RILPL2: variants seen among roughly 807,000 people sequenced by gnomAD.
RILPL2 encodes RILP-like protein 2.
In RILPL2, 19 loss-of-function variants were observed where a neutral mutation model predicts 22.2. The ratio of observed to expected loss-of-function variants is 0.86; its 90% CI spans 0.60 to 1.25. The LOEUF (loss-of-function observed/expected upper bound fraction) is 1.25. RILPL2 is among the 50% of genes most tolerant of loss of function. The pLI is 0.00. For missense variants in RILPL2, 243 were observed against 263.6 expected (o/e 0.92, Z 0.54); for synonymous variants, 123 against 111.6 (o/e 1.10, Z -0.64).
At chr12:123,419,441 G>A (rs1879213429) in intron 3 of RILPL2, among the ~76,000 whole-genome samples, 1 of 152,142 alleles carries the variant, frequency 6.6e-6, no homozygotes. Context: ...GAAGTATTCA[G>A]AGGAAAGTGC....
rs1361291696 is a variant in RILPL2, at chr12:123,432,873, C to T, written c.340-2214G>A. Among the ~76,000 whole-genome samples the T allele has an allele frequency of 2.6e-5, 4 of 152,130 alleles. No homozygotes were observed. The South Asian group carries it at 8.3e-4, about 31-fold the overall frequency. Reference sequence around the variant, plus strand: ...CATCACACTTAACCATGTCACTTGACAGACACTAAAGTAGAATATTATCTA... The same window carrying T: ...CATCACACTTAACCATGTCACTTGATAGACACTAAAGTAGAATATTATCTA... On this transcript the variant is annotated intron_variant, in intron 1 of 3. Transcript: ENST00000280571.
In RILPL2 at chr12:123,436,370, GTCC is replaced by G. The variant is rs766789056; in HGVS notation, c.48_50del (p.Glu16del). On this transcript the variant is annotated inframe_deletion, in exon 1 of 4. Transcript: ENST00000280571. This position sits in a 1 kb window ranked among gnomAD's most constrained non-coding sequence, Gnocchi z 6.7. ...CGGGCCCAACCTCGTCCCTCTCCTCGTCCTCCTCTCCCTCCTCCTCTTCCTCTT... is the reference window on the plus strand; with the variant it reads ...CGGGCCCAACCTCGTCCCTCTCCTCGTCCTCTCCCTCCTCCTCTTCCTCTT... The G allele has an allele frequency of 1.3e-6, 2 of 1,553,592 alleles. No homozygotes were observed. The highest frequency in any genetic ancestry group is 1.7e-6 in the Non-Finnish European group (2 of 1,148,446).
chr12:123,412,701 C>T (rs1332872857), downstream of RILPL2: 1 of 152,290 alleles, frequency 6.6e-6, no homozygotes, highest in African/African-American at 2.4e-5. Context: ...ATACCCATCC[C>T]ACAAAAGTAT....
chr12:123,433,578 A>C lies in RILPL2; in HGVS notation c.339+2504T>G, dbSNP rs563138322. Reference sequence around the variant, plus strand: ...CAAGCGTGTGCCAGCAGGTCCAGCTAATTTTGTATTTTTAGTAGAGACAGG... The same window carrying C: ...CAAGCGTGTGCCAGCAGGTCCAGCTCATTTTGTATTTTTAGTAGAGACAGG... On this transcript the variant is annotated intron_variant, in intron 1 of 3. Coordinates refer to ENST00000280571, the MANE Select transcript of RILPL2 (RefSeq NM_145058.3). 1.6e-3 allele frequency among the ~76,000 whole-genome samples: 238 copies of C among 151,924 alleles called. 1 individual carries two copies. Among genetic ancestry groups the C allele is most frequent in the Middle Eastern group, 6.8e-3 (2 of 294 alleles).
At chr12:123,413,201 C>CA (rs757300710), downstream of RILPL2, 120 of 163,012 alleles carry the variant, frequency 7.4e-4, no homozygotes, top group Non-Finnish European at 9.4e-4. Context: ...GTCCCCACCA[C>CA]CCCCCAAAAA....
At position 123,436,544 on chromosome 12, in the gene RILPL2, G is replaced by A; in HGVS notation, c.-124C>T. ...CCTACCTGCCCAATCAGCGCGGCCC[G>A]GGGGTGGGCCCGGGGGGATGGTGCA... On this transcript the variant is annotated 5_prime_UTR_variant, in exon 1 of 4. Coordinates refer to ENST00000280571, the MANE Select transcript of RILPL2 (RefSeq NM_145058.3). The surrounding 1 kb of genome is among the most constrained non-coding windows in gnomAD (Gnocchi z 6.7). 3.5e-6 allele frequency: 5 copies of A among 1,425,818 alleles called. 1 individual carries two copies. In the South Asian group the frequency reaches 7.2e-5, roughly 20 times the overall value. 88.3% of individuals were successfully genotyped at this position (1,425,818 alleles called of 1,614,324 possible).
At chr12:123,416,511 C>T (rs146898200) in intron 3 of RILPL2, among the ~76,000 whole-genome samples, 6,712 of 150,534 alleles carry the variant, frequency 0.045, 311 homozygotes, top group East Asian at 0.25. Context: ...TGGTGGCGGG[C>T]GCCTGTAGTC....
downstream of RILPL2, chr12:123,410,653 T>TAACA (rs1199551002): frequency 1.3e-5 from 2 of 151,108 alleles, no homozygotes; most frequent in African/African-American, 4.9e-5. Flanking sequence ...TCCCTCCCTG[T>TAACA]AACATGGAGA....
Position 123,436,534 on chromosome 12 carries a change from A to G in RILPL2, c.-114T>C. 3.5e-6 allele frequency: 5 copies of G among 1,447,454 alleles called. No homozygotes were observed. Among genetic ancestry groups the G allele is most frequent in the Non-Finnish European group, 4.5e-6 (5 of 1,099,450 alleles). 89.7% of individuals were successfully genotyped at this position (1,447,454 alleles called of 1,614,324 possible). On this transcript the variant is annotated 5_prime_UTR_variant, in exon 1 of 4. Transcript: ENST00000280571. The surrounding 1 kb of genome is among the most constrained non-coding windows in gnomAD (Gnocchi z 6.7). ...GGGCAGAGTCCCTACCTGCCCAATC[A>G]GCGCGGCCCGGGGGTGGGCCCGGGG...
intron 3 of RILPL2, among the ~76,000 whole-genome samples, chr12:123,418,750 TTC>T (rs1879187374): frequency 6.9e-6 from 1 of 144,280 alleles, no homozygotes; most frequent in Non-Finnish European, 1.5e-5. Context: ...CTTTTTCTTT[TTC>T]TTTCTTTTTT....
intron 2 of RILPL2, among the ~76,000 whole-genome samples, chr12:123,425,341 T>A (rs1438884309): frequency 6.6e-6 from 1 of 151,730 alleles, no homozygotes; most frequent in African/African-American, 2.4e-5. Flanking sequence ...CACACTTGGC[T>A]AATTTTTTTG....
At chr12:123,426,982 C>G (rs1177356012) in intron 2 of RILPL2, among the ~76,000 whole-genome samples, 1 of 150,740 alleles carries the variant, frequency 6.6e-6, no homozygotes, top group Non-Finnish European at 1.5e-5. Context: ...AGTGCAGTTG[C>G]TATTCACGGG....
intron 2 of RILPL2, among the ~76,000 whole-genome samples, chr12:123,424,285 GTAAAA>G (rs1414722863): frequency 2.0e-5 from 3 of 150,510 alleles, no homozygotes; most frequent in Non-Finnish European, 4.4e-5. Flanking sequence ...AAAGAAATAA[GTAAAA>G]TAAAAGTATA....
At chr12:123,412,839 A>T (rs1294522808), downstream of RILPL2, 4 of 152,234 alleles carry the variant, frequency 2.6e-5, no homozygotes, top group East Asian at 7.7e-4. Flanking sequence ...GGGCCTTGGA[A>T]TCAGGCCTGC....
chr12:123,419,902 T>G (rs1373764065), intron 3 of RILPL2, among the ~76,000 whole-genome samples: 1 of 145,140 alleles, frequency 6.9e-6, no homozygotes, highest in African/African-American at 2.4e-5. Context: ...AAAGCGATTC[T>G]CCTGCCTCAG....
intron 2 of RILPL2, among the ~76,000 whole-genome samples, chr12:123,429,434 T>A (rs895398586): frequency 6.6e-6 from 1 of 152,056 alleles, no homozygotes; most frequent in African/African-American, 2.4e-5. Flanking sequence ...TAGCTGGGAT[T>A]ACAGGCGCCC....
chr12:123,425,779 A>G lies in RILPL2; in HGVS notation c.492-2622T>C, dbSNP rs144780880. ...ATTCCCCTGCCCCAGCCTCCAGAGT[A>G]GCTGGGATTACAGGTGCACGCCACC... is the stretch of plus-strand genomic sequence containing the variant. On this transcript the variant is annotated intron_variant, in intron 2 of 3. Coordinates refer to ENST00000280571, the MANE Select transcript of RILPL2 (RefSeq NM_145058.3). Among the ~76,000 whole-genome samples, 1,183 of 151,062 alleles carry G rather than the reference A, an allele frequency of 7.8e-3. 14 individuals are homozygous for G. Among genetic ancestry groups the G allele is most frequent in the Middle Eastern group, 0.027 (8 of 292 alleles).
Position 123,415,723 on chromosome 12 carries a change from G to T in RILPL2, c.*168C>A. On this transcript the variant is annotated 3_prime_UTR_variant, in exon 4 of 4. Transcript: ENST00000280571. ...GGGTGTCTAGTTCTGCAGCCAGGGA[G>T]AAAGTGATGCCAAGAGAACCTCGTC... is the stretch of plus-strand genomic sequence containing the variant. 1.3e-6 allele frequency: 1 copy of T among 742,760 alleles called. No individual in the cohort carries two copies. The highest frequency in any genetic ancestry group is 2.4e-6 in the Non-Finnish European group (1 of 416,966). 46.0% of individuals were successfully genotyped at this position (742,760 alleles called of 1,614,324 possible). A position where few individuals can be genotyped will look rare whatever the true frequency, so the allele number is the denominator to read the frequency against.
Position 123,436,538 on chromosome 12 carries a change from C to CGGCCAGGGGGTG in RILPL2, c.-119_-118insCACCCCCTGGCC. On this transcript the variant is annotated 5_prime_UTR_variant, in exon 1 of 4. Coordinates refer to ENST00000280571, the MANE Select transcript of RILPL2 (RefSeq NM_145058.3). The surrounding 1 kb of genome is among the most constrained non-coding windows in gnomAD (Gnocchi z 6.7). ...AGAGTCCCTACCTGCCCAATCAGCG[C>CGGCCAGGGGGTG]GGCCCGGGGGTGGGCCCGGGGGGAT... is the stretch of plus-strand genomic sequence containing the variant. 2 of 1,445,150 alleles carry CGGCCAGGGGGTG rather than the reference C, an allele frequency of 1.4e-6. No homozygotes were observed. Among genetic ancestry groups the CGGCCAGGGGGTG allele is most frequent in the South Asian group, 2.8e-5 (2 of 71,306 alleles). The allele number at this position is 1,445,150 out of a possible 1,614,324, so 89.5% of individuals were successfully genotyped here. A position where few individuals can be genotyped will look rare whatever the true frequency, so the allele number is the denominator to read the frequency against.
Sources: gnomAD v4.1 joint callset for allele counts (sites outside exome capture counted in the v4.1 genomes callset) on GRCh38, gnomAD v4.1.1 for gene constraint, Gnocchi (gnomAD v3.1) non-coding constraint, MANE v1.5 for transcripts, NCBI Gene and HGNC (gene_info 2026-07-23, HGNC 2026-07-21) for gene names.